JKAMP: variants seen among roughly 807,000 people sequenced by gnomAD.
The protein encoded by JKAMP is JNK1/MAPK8-associated membrane protein.
In JKAMP, 20 loss-of-function variants were observed where a neutral mutation model predicts 40.2. The ratio of observed to expected loss-of-function variants is 0.50; its 90% CI spans 0.35 to 0.72. JKAMP has a LOEUF of 0.72. Ranked by LOEUF, JKAMP falls within the 30% of genes least tolerant of loss-of-function variation. The pLI is 0.01. For synonymous variants in JKAMP, 138 were observed against 131.6 expected (o/e 1.05, Z -0.33); for missense variants, 276 against 373.0 (o/e 0.74, Z 2.14).
rs185104299 is a variant in JKAMP at position 59,494,185 on chromosome 14, A to G, written c.252-833A>G. Among the ~76,000 whole-genome samples, 26 of 152,266 alleles carry G rather than the reference A, an allele frequency of 1.7e-4. No individual in the cohort carries two copies. In the East Asian group the frequency reaches 5.0e-3, roughly 29 times the overall value. On this transcript the variant is annotated intron_variant, in intron 3 of 6. Coordinates refer to ENST00000616435, the MANE Select transcript of JKAMP (RefSeq NM_016475.5). ...TGTGGAAGGACTTTTTAAAACATTT[A>G]AACTGCTAAGTAGAAAAAAAAATAA...
At chr14:59,503,195 C>T (rs915661942) in intron 6 of JKAMP, among the ~76,000 whole-genome samples, 6 of 152,040 alleles carry the variant, frequency 3.9e-5, no homozygotes, top group Admixed American at 1.3e-4. Context: ...GGACCTAAAA[C>T]GGAAAAAGAC....
At chr14:59,502,531 G>A (rs1891958158) in intron 6 of JKAMP, among the ~76,000 whole-genome samples, 1 of 152,122 alleles carries the variant, frequency 6.6e-6, no homozygotes, top group Non-Finnish European at 1.5e-5. Context: ...TGACTTTTAG[G>A]TAAGATAATA....
At chr14:59,502,717 T>C (rs1055468500) in intron 6 of JKAMP, among the ~76,000 whole-genome samples, 2 of 129,908 alleles carry the variant, frequency 1.5e-5, no homozygotes, top group Non-Finnish European at 3.3e-5. Context: ...AGGGAGAAAA[T>C]AGTTGGATAT....
At chr14:59,486,494 C>T (rs1373059960) in intron 1 of JKAMP, among the ~76,000 whole-genome samples, 7 of 152,208 alleles carry the variant, frequency 4.6e-5, no homozygotes, top group Admixed American at 3.9e-4. Flanking sequence ...GGACCTTAAT[C>T]ATAAGGCACG....
chr14:59,490,447 G>T (rs1890905778), intron 3 of JKAMP, among the ~76,000 whole-genome samples: 1 of 152,186 alleles, frequency 6.6e-6, no homozygotes, highest in Non-Finnish European at 1.5e-5. Context: ...ATTGGTGAAG[G>T]TCTGGTGTAT....
At chr14:59,484,630 T>C in intron 1 of JKAMP, 37 bp downstream of exon 1, 1 of 1,572,772 alleles carries the variant, frequency 6.4e-7, no homozygotes, top group Middle Eastern at 1.7e-4. Flanking sequence ...GCGTTTCTGG[T>C]AGTCCCGACT....
At chr14:59,500,758 A>C (rs1891819422) in intron 5 of JKAMP, 1 of 153,248 alleles carries the variant, frequency 6.5e-6, no homozygotes, top group South Asian at 2.1e-4. Context: ...AATTATTTAC[A>C]TTCACTGGAT....
rs1238979082 is a variant in JKAMP at position 59,486,707 on chromosome 14, A to G, written c.5-6A>G. On this transcript the variant is annotated splice_region_variant and splice_polypyrimidine_tract_variant and intron_variant, in intron 1 of 6. Transcript: ENST00000616435. ...TGTTACTATACTGGCATTTGTTTTT[A>G]AAAAGCTGTCGATATTCAACCAGCA... The G allele has an allele frequency of 1.9e-6, 3 of 1,568,006 alleles. No individual in the cohort carries two copies. The highest frequency in any genetic ancestry group is 4.6e-5 in the East Asian group (2 of 43,566).
chr14:59,491,874 C>T (rs905886700), intron 3 of JKAMP, among the ~76,000 whole-genome samples: 1 of 152,208 alleles, frequency 6.6e-6, no homozygotes, highest in Non-Finnish European at 1.5e-5. Flanking sequence ...TAAGACTAGA[C>T]CCTCAAGGGC....
At chr14:59,491,513 A>G (rs1452667021) in intron 3 of JKAMP, among the ~76,000 whole-genome samples, 1 of 152,210 alleles carries the variant, frequency 6.6e-6, no homozygotes, top group Non-Finnish European at 1.5e-5. Flanking sequence ...TTCTATAAGG[A>G]AGCAAAATGT....
At position 59,486,460 on chromosome 14, in the gene JKAMP, G is replaced by GAT. The variant is rs553220050; in HGVS notation, c.5-251_5-250dup. 9.8e-5 allele frequency among the ~76,000 whole-genome samples: 15 copies of GAT among 152,298 alleles called. 1 individual carries two copies. In the South Asian group the frequency reaches 2.9e-3, roughly 29 times the overall value. On this transcript the variant is annotated intron_variant, in intron 1 of 6. Coordinates refer to ENST00000616435, the MANE Select transcript of JKAMP (RefSeq NM_016475.5). ...ACCGGGTTAGGCTTTGAGTCCTGGA[G>GAT]ATAGATCCTGCTCTGCTGGTTGAGG...
At chr14:59,493,970 T>C (rs957159977) in intron 3 of JKAMP, among the ~76,000 whole-genome samples, 16 of 152,164 alleles carry the variant, frequency 1.1e-4, no homozygotes, top group Non-Finnish European at 2.1e-4. Flanking sequence ...GGAGTACCTG[T>C]TCAGTAAAAT....
intron 5 of JKAMP, among the ~76,000 whole-genome samples, chr14:59,499,369 A>T (rs904627073): frequency 1.3e-5 from 2 of 152,210 alleles, no homozygotes; most frequent in Non-Finnish European, 2.9e-5. Context: ...TTAGGAATTT[A>T]TGAAAATTAG....
chr14:59,491,035 G>C (rs1006818475), intron 3 of JKAMP, among the ~76,000 whole-genome samples: 2 of 152,192 alleles, frequency 1.3e-5, no homozygotes, highest in Non-Finnish European at 2.9e-5. Flanking sequence ...GCTTTGCCTA[G>C]GAAATTGGTA....
chr14:59,484,651 A>C, intron 1 of JKAMP, 58 bp downstream of exon 1: 2 of 1,555,346 alleles, frequency 1.3e-6, no homozygotes, highest in South Asian at 1.2e-5. Context: ...ACTTTCCTAC[A>C]CGGCTGGCCT....
rs1213806645 is a variant in JKAMP at position 59,487,868 on chromosome 14, T to A, written c.251+40T>A. The A allele has an allele frequency of 1.9e-6, 3 of 1,566,216 alleles. No individual in the cohort carries two copies. The South Asian group carries it at 3.3e-5, about 17-fold the overall frequency. On this transcript the variant is annotated intron_variant, in intron 3 of 6. Coordinates refer to ENST00000616435, the MANE Select transcript of JKAMP (RefSeq NM_016475.5). ...ATGAACATATCTGGCTGGACTAATG[T>A]TGGAATAATTATCACTCAGAAGACC...
intron 3 of JKAMP, among the ~76,000 whole-genome samples, chr14:59,494,003 A>C (rs971433597): frequency 1.3e-5 from 2 of 152,200 alleles, no homozygotes; most frequent in African/African-American, 4.8e-5. Flanking sequence ...ACAACTGGCA[A>C]TTCAAATGGG....
At chr14:59,502,501 A>G (rs4901928) in intron 6 of JKAMP, among the ~76,000 whole-genome samples, 71,021 of 151,970 alleles carry the variant, frequency 0.47, 18,650 homozygotes, top group East Asian at 0.81. Flanking sequence ...TGAGTGGGGG[A>G]AAACATCTAG....
intron 3 of JKAMP, among the ~76,000 whole-genome samples, chr14:59,489,894 T>G (rs1890860312): frequency 6.6e-6 from 1 of 152,022 alleles, no homozygotes; most frequent in Admixed American, 6.6e-5. Context: ...TTCTTTCATT[T>G]TTTTTAATGT....
Sources: allele counts gnomAD v4.1 joint callset (sites outside exome capture counted in the v4.1 genomes callset), GRCh38; gene constraint gnomAD v4.1.1; transcripts MANE v1.5; gene names NCBI Gene and HGNC (gene_info 2026-07-23, HGNC 2026-07-21).